The following ERO1B variants were observed in gnomAD, a reference collection of about 807,000 sequenced individuals.
The protein encoded by ERO1B is ERO1-like protein beta.
ERO1B carries 49 observed loss-of-function variants against 75.3 expected under a neutral mutation model. The observed-to-expected ratio is 0.65, with a 90% CI of 0.52 to 0.83. The LOEUF (loss-of-function observed/expected upper bound fraction) is 0.83. ERO1B is among the 40% of genes least tolerant of loss of function. The pLI, the probability that ERO1B is intolerant of heterozygous loss-of-function variation, is 0.00. For missense variants in ERO1B, 512 were observed against 560.1 expected (o/e 0.91, Z 0.87); for synonymous variants, 191 against 192.9 (o/e 0.99, Z 0.08).
At chr1:236,242,492 A>T (rs73114915) in intron 6 of ERO1B, among the ~76,000 whole-genome samples, 10,462 of 152,204 alleles carry the variant, frequency 0.069, 749 homozygotes, top group East Asian at 0.39. Flanking sequence ...ATAAGCCAAG[A>T]TAACATTCCA....
chr1:236,219,938 C>T (rs1664094762), intron 15 of ERO1B, among the ~76,000 whole-genome samples: 1 of 149,614 alleles, frequency 6.7e-6, no homozygotes, highest in South Asian at 2.1e-4. Flanking sequence ...GTGGAAGGAA[C>T]GCCTGACCCC....
intron 9 of ERO1B, among the ~76,000 whole-genome samples, chr1:236,231,535 G>C (rs1036517833): frequency 2.1e-5 from 3 of 146,084 alleles, no homozygotes; most frequent in Non-Finnish European, 4.5e-5. Flanking sequence ...TCCTGGCCCT[G>C]TAACCTTCTT....
intron 8 of ERO1B, among the ~76,000 whole-genome samples, chr1:236,234,109 G>A (rs1405591968): frequency 6.6e-6 from 1 of 152,172 alleles, no homozygotes; most frequent in Non-Finnish European, 1.5e-5. Flanking sequence ...GGAGATAGCA[G>A]GTAAATAGCA....
intron 6 of ERO1B, among the ~76,000 whole-genome samples, chr1:236,236,636 G>A (rs1274826476): frequency 6.6e-5 from 10 of 152,062 alleles, no homozygotes; most frequent in Non-Finnish European, 8.8e-5. Context: ...CTTTGGATAC[G>A]CAGTGCTCTT....
In ERO1B at chr1:236,253,068, TTTTTA is replaced by T. The variant is rs374876302; in HGVS notation, c.306+349_306+353del. Among the ~76,000 whole-genome samples, 137 of 152,178 alleles carry T rather than the reference TTTTTA, an allele frequency of 9.0e-4. 1 individual carries two copies. Among genetic ancestry groups the T allele is most frequent in the African/African-American group, 2.4e-3 (101 of 41,548 alleles). On this transcript the variant is annotated intron_variant, in intron 3 of 15. Coordinates refer to ENST00000354619, the MANE Select transcript of ERO1B (RefSeq NM_019891.4). The stretch of plus-strand genomic sequence containing the variant: ...TTGAAATATAGGGTCCAGTAGCTTG[TTTTTA>T]TTTTGTTTTTTTTTTCCTATGAAAC...
chr1:236,274,744 G>GA (rs35953226), intron 1 of ERO1B, among the ~76,000 whole-genome samples: 41,431 of 136,154 alleles, frequency 0.3, 6,146 homozygotes, highest in East Asian at 0.41. Context: ...AAAATTAGAA[G>GA]AAAAAAAAAA....
intron 13 of ERO1B, among the ~76,000 whole-genome samples, chr1:236,222,662 T>C (rs1332843953): frequency 6.6e-6 from 1 of 152,212 alleles, no homozygotes; most frequent in Non-Finnish European, 1.5e-5. Flanking sequence ...CAACCAACAA[T>C]AAATATGTCT....
intron 2 of ERO1B, among the ~76,000 whole-genome samples, chr1:236,260,989 G>A (rs991224658): frequency 6.0e-5 from 9 of 150,686 alleles, no homozygotes; most frequent in Non-Finnish European, 7.4e-5. Context: ...TTATCCCAGA[G>A]ATGCAAGAGT....
intron 2 of ERO1B, among the ~76,000 whole-genome samples, chr1:236,254,773 T>C (rs1367190340): frequency 1.3e-5 from 2 of 151,834 alleles, no homozygotes; most frequent in Non-Finnish European, 2.9e-5. Context: ...CCACCACGCC[T>C]GGCTAATTTT....
intron 4 of ERO1B, among the ~76,000 whole-genome samples, chr1:236,250,747 T>TACACACACAC (rs1475558831): frequency 2.1e-4 from 32 of 150,738 alleles, no homozygotes; most frequent in African/African-American, 7.3e-4. Flanking sequence ...CACACACACA[T>TACACACACAC]ACACACACAC....
intron 9 of ERO1B, among the ~76,000 whole-genome samples, chr1:236,232,040 G>A (rs1028232951): frequency 1.3e-5 from 2 of 151,972 alleles, no homozygotes; most frequent in Admixed American, 6.6e-5. Flanking sequence ...CCAATTGTAC[G>A]GATCTAAATC....
chr1:236,265,824 A>T (rs1171258625), intron 2 of ERO1B, among the ~76,000 whole-genome samples: 1 of 152,144 alleles, frequency 6.6e-6, no homozygotes, highest in East Asian at 1.9e-4. Context: ...CTATCTCAAG[A>T]CCATTTACTT....
intron 8 of ERO1B, among the ~76,000 whole-genome samples, chr1:236,234,458 C>G (rs568361697): frequency 1.3e-5 from 2 of 152,206 alleles, no homozygotes; most frequent in Non-Finnish European, 2.9e-5. Flanking sequence ...TCCCTTTTCA[C>G]TTTATATAAC....
chr1:236,234,081 TAATC>T (rs1190808354), intron 8 of ERO1B, among the ~76,000 whole-genome samples: 5 of 152,212 alleles, frequency 3.3e-5, no homozygotes, highest in African/African-American at 4.8e-5. Context: ...AAAGAACTAT[TAATC>T]AACCAATTTC....
At chr1:236,233,186 G>A (rs1328514377) in intron 8 of ERO1B, among the ~76,000 whole-genome samples, 3 of 151,914 alleles carry the variant, frequency 2.0e-5, no homozygotes, top group African/African-American at 7.3e-5. Context: ...GCATGTACCT[G>A]TAATCCCAGC....
intron 2 of ERO1B, among the ~76,000 whole-genome samples, chr1:236,255,795 C>A (rs1346912994): frequency 6.6e-6 from 1 of 152,138 alleles, no homozygotes; most frequent in Non-Finnish European, 1.5e-5. Context: ...AAGCTTCTGG[C>A]CTGTATACCC....
chr1:236,224,352 G>C (rs959653229), intron 13 of ERO1B, among the ~76,000 whole-genome samples: 1 of 151,848 alleles, frequency 6.6e-6, no homozygotes, highest in Non-Finnish European at 1.5e-5. Context: ...ATGGTGGCTT[G>C]TGCCTGTAAT....
rs1167876539 is a variant in ERO1B, at chr1:236,217,272, C to A, written c.*1244G>T. ...ACAGATGCAATCTTCCAAATTGTAT[C>A]TGCTGACATTTAAAAAAAATCAAGA... On this transcript the variant is annotated 3_prime_UTR_variant, in exon 16 of 16. Transcript: ENST00000354619. The A allele has an allele frequency of 6.6e-6, 1 of 152,022 alleles. No individual in the cohort carries two copies. Among genetic ancestry groups the A allele is most frequent in the Non-Finnish European group, 1.5e-5 (1 of 67,962 alleles). The allele number at this position is 152,022 out of a possible 1,614,324, so 9.4% of individuals were successfully genotyped here.
chr1:236,270,045 A>G, intron 1 of ERO1B, 51 bp from the exon 2 acceptor site: 2 of 1,208,286 alleles, frequency 1.7e-6, no homozygotes, highest in Non-Finnish European at 2.3e-6. Context: ...TTCAACCTTA[A>G]CAAATCTACA....
Sources: allele counts gnomAD v4.1 joint callset (sites outside exome capture counted in the v4.1 genomes callset), GRCh38; gene constraint gnomAD v4.1.1; transcripts MANE v1.5; gene names NCBI Gene and HGNC (gene_info 2026-07-23, HGNC 2026-07-21).